THRB: variants seen among roughly 807,000 people sequenced by gnomAD.
THRB encodes nuclear receptor subfamily 1 group A member 2.
A neutral mutation model predicts 47.8 loss-of-function variants in THRB; 12 were observed. The observed-to-expected ratio is 0.25, with a 90% CI of 0.16 to 0.41. THRB has a LOEUF of 0.41. THRB is among the 10% of genes least tolerant of loss of function. The probability of loss-of-function intolerance (pLI) is 1.00; values close to 1 mark genes in which losing one functional copy is unlikely to be tolerated. For missense variants in THRB, 348 were observed against 589.2 expected (o/e 0.59, Z 4.24); for synonymous variants, 218 against 212.2 (o/e 1.03, Z -0.24).
At chr3:24,325,887 T>C (rs939766189) in intron 2 of THRB, among the ~76,000 whole-genome samples, 2 of 152,204 alleles carry the variant, frequency 1.3e-5, no homozygotes, top group Non-Finnish European at 2.9e-5. Flanking sequence ...TTGCCTTCAA[T>C]AATGAAAACA....
intron 1 of THRB, among the ~76,000 whole-genome samples, chr3:24,463,188 T>G (rs903136422): frequency 9.2e-5 from 14 of 152,358 alleles, no homozygotes; most frequent in African/African-American, 3.4e-4. Context: ...CTATGTAACT[T>G]TGTTACTAGA....
In THRB at chr3:24,261,058, C is replaced by G. The variant is rs115999447; in HGVS notation, c.-42-32057G>C. Among the ~76,000 whole-genome samples the G allele has an allele frequency of 5.1e-3, 772 of 152,276 alleles. 7 individuals carry two copies. Among genetic ancestry groups the G allele is most frequent in the African/African-American group, 0.018 (732 of 41,548 alleles). ...GCCCACACCTGGTCCTATCTAAGCT[C>G]AATCTCTCTTCTTGGGAATGCGACC... On this transcript the variant is annotated intron_variant, in intron 3 of 10. Transcript: ENST00000646209.
chr3:24,279,393 C>CT lies in THRB; in HGVS notation c.-43+17832dup, dbSNP rs200942668. On this transcript the variant is annotated intron_variant, in intron 3 of 10. Transcript: ENST00000646209. ...CAAGCATTGCAATGAGTTCTTTTTT[C>CT]TTTTTTTTGAGACGGAGCCTCATTC... Among the ~76,000 whole-genome samples, 405 of 151,426 alleles carry CT rather than the reference C, an allele frequency of 2.7e-3. 10 individuals are homozygous for CT. In the East Asian group the frequency reaches 0.027, roughly 10 times the overall value.
At chr3:24,184,811 C>A (rs749974291) in intron 5 of THRB, among the ~76,000 whole-genome samples, 27 of 152,168 alleles carry the variant, frequency 1.8e-4, no homozygotes, top group Non-Finnish European at 3.4e-4. Context: ...ATGGATGGAG[C>A]AGATGGTAGT....
intron 1 of THRB, among the ~76,000 whole-genome samples, chr3:24,382,173 G>C (rs1008563325): frequency 6.6e-6 from 1 of 151,950 alleles, no homozygotes; most frequent in Non-Finnish European, 1.5e-5. Flanking sequence ...CTAGAAAAGA[G>C]TGAGTTTGGA....
chr3:24,229,247 A>T (rs1204425547), intron 3 of THRB, among the ~76,000 whole-genome samples: 1 of 152,060 alleles, frequency 6.6e-6, no homozygotes, highest in Non-Finnish European at 1.5e-5. Context: ...TCAAGCGCAC[A>T]TTTTTCCATC....
At chr3:24,455,637 C>T (rs960438069) in intron 1 of THRB, among the ~76,000 whole-genome samples, 2 of 152,176 alleles carry the variant, frequency 1.3e-5, no homozygotes, top group Admixed American at 1.3e-4. Flanking sequence ...TTTTTTACTT[C>T]TATATTCCTT....
chr3:24,349,013 A>G (rs1385149278), intron 1 of THRB: 2 of 152,178 alleles, frequency 1.3e-5, no homozygotes, highest in African/African-American at 4.8e-5. Context: ...TAATAAAGCC[A>G]CACCACTGGA....
intron 4 of THRB, among the ~76,000 whole-genome samples, chr3:24,207,411 T>C (rs1202826140): frequency 6.6e-6 from 1 of 152,294 alleles, no homozygotes; most frequent in African/African-American, 2.4e-5. Flanking sequence ...ATTATCTCAA[T>C]AGATGCAGAA....
intron 2 of THRB, among the ~76,000 whole-genome samples, chr3:24,320,801 C>A (rs897888062): frequency 6.6e-6 from 1 of 152,152 alleles, no homozygotes; most frequent in Non-Finnish European, 1.5e-5. Context: ...CCCTTGCTGG[C>A]ATTTGCATTT....
intron 5 of THRB, among the ~76,000 whole-genome samples, chr3:24,172,367 G>A (rs1203077089): frequency 5.9e-5 from 9 of 152,044 alleles, no homozygotes; most frequent in Non-Finnish European, 1.3e-4. Flanking sequence ...TCCCCAGGTG[G>A]GCACAGGACA....
intron 4 of THRB, among the ~76,000 whole-genome samples, chr3:24,218,224 C>T (rs190939913): frequency 4.6e-4 from 69 of 151,534 alleles, no homozygotes; most frequent in African/African-American, 1.6e-3. Flanking sequence ...GCCGAGATTG[C>T]GCCACTGCAC....
intron 6 of THRB, among the ~76,000 whole-genome samples, chr3:24,150,415 C>T (rs1237671684): frequency 3.3e-5 from 5 of 152,116 alleles, no homozygotes; most frequent in Non-Finnish European, 5.9e-5. Flanking sequence ...GAAGGCTCTT[C>T]TCTGATTTTA....
chr3:24,333,698 T>G (rs112465794), intron 2 of THRB, among the ~76,000 whole-genome samples: 4,790 of 152,338 alleles, frequency 0.031, 85 homozygotes, highest in African/African-American at 0.053. Context: ...CTTTTTCACG[T>G]ATGATTCAGT....
chr3:24,144,177 T>G (rs2035803474), intron 7 of THRB: 1 of 190,164 alleles, frequency 5.3e-6, no homozygotes. Flanking sequence ...AGAAACGTTA[T>G]GGAGCAGTAA....
At chr3:24,448,156 T>C (rs1167556051) in intron 1 of THRB, among the ~76,000 whole-genome samples, 4 of 152,114 alleles carry the variant, frequency 2.6e-5, no homozygotes, top group Non-Finnish European at 5.9e-5. Flanking sequence ...CCCTGACACA[T>C]TCCAAGTACA....
intron 3 of THRB, among the ~76,000 whole-genome samples, chr3:24,276,509 T>G (rs1460381047): frequency 5.9e-5 from 9 of 152,216 alleles, no homozygotes; most frequent in Non-Finnish European, 4.4e-5. Flanking sequence ...CATTTTGTTA[T>G]CTGCAAAAGG....
chr3:24,234,785 A>AC (rs1559688292), intron 3 of THRB, among the ~76,000 whole-genome samples: 1 of 152,128 alleles, frequency 6.6e-6, no homozygotes, highest in Non-Finnish European at 1.5e-5. Flanking sequence ...ATGAGCTGGG[A>AC]TTTTTTTCCA....
intron 4 of THRB, among the ~76,000 whole-genome samples, chr3:24,192,173 A>C (rs1197860302): frequency 1.3e-5 from 2 of 152,212 alleles, no homozygotes; most frequent in Non-Finnish European, 2.9e-5. Flanking sequence ...TTAAAAGGCA[A>C]CAACAGATTG....
Sources: gnomAD v4.1 joint callset for allele counts (sites outside exome capture counted in the v4.1 genomes callset) on GRCh38, gnomAD v4.1.1 for gene constraint, MANE v1.5 for transcripts, NCBI Gene and HGNC (gene_info 2026-07-23, HGNC 2026-07-21) for gene names.